SLC60A1: variants seen among roughly 807,000 people sequenced by gnomAD.
The protein encoded by SLC60A1 is major facilitator superfamily domain containing 4.
the SLC60A1 span, among the ~76,000 whole-genome samples, chr1:205,577,381 T>A: frequency 6.6e-6 from 1 of 152,188 alleles, no homozygotes; most frequent in African/African-American, 2.4e-5. The surrounding 1 kb of genome is among the most constrained non-coding windows in gnomAD (Gnocchi z 5.2). Flanking sequence ...GAACCTGGGT[T>A]GAGCGTCTCT....
At chr1:205,589,008 C>T in the SLC60A1 span, among the ~76,000 whole-genome samples, 9 of 152,196 alleles carry the variant, frequency 5.9e-5, no homozygotes, top group Non-Finnish European at 1.2e-4. Flanking sequence ...GCTGATAGTT[C>T]GTCCTGGTTA....
the SLC60A1 span, chr1:205,579,650 G>C: frequency 7.7e-7 from 1 of 1,306,846 alleles, no homozygotes; most frequent in South Asian, 1.2e-5. Context: ...CTACCAGAGG[G>C]GGAGAAATGT....
the SLC60A1 span, chr1:205,599,709 C>T: frequency 2.7e-4 from 42 of 158,178 alleles, no homozygotes; most frequent in Non-Finnish European, 4.7e-4. Flanking sequence ...GTCCTTCAGG[C>T]CAAGTAGCAA....
the SLC60A1 span, among the ~76,000 whole-genome samples, chr1:205,577,057 A>C: frequency 6.6e-6 from 1 of 152,062 alleles, no homozygotes; most frequent in African/African-American, 2.4e-5. This position sits in a 1 kb window ranked among gnomAD's most constrained non-coding sequence, Gnocchi z 5.2. Context: ...CCTTCTCAAG[A>C]ATGACAGGTG....
chr1:205,580,741 G>A, the SLC60A1 span: 1 of 1,613,110 alleles, frequency 6.2e-7, no homozygotes, highest in South Asian at 1.1e-5. This position sits in a 1 kb window ranked among gnomAD's most constrained non-coding sequence, Gnocchi z 5.0. Flanking sequence ...CCAACTGCTT[G>A]CCTGCCAATA....
At chr1:205,596,494 G>A in the SLC60A1 span, among the ~76,000 whole-genome samples, 3 of 126,616 alleles carry the variant, frequency 2.4e-5, no homozygotes, top group African/African-American at 9.0e-5. Flanking sequence ...AGCTTCTTGG[G>A]AGGCTGAGGC....
chr1:205,590,396 G>A, the SLC60A1 span, among the ~76,000 whole-genome samples: 1 of 152,246 alleles, frequency 6.6e-6, no homozygotes, highest in Non-Finnish European at 1.5e-5. Flanking sequence ...CTGCATGAAA[G>A]AAGTCTTTTG....
the SLC60A1 span, among the ~76,000 whole-genome samples, chr1:205,577,574 C>T: frequency 1.3e-5 from 2 of 152,192 alleles, no homozygotes; most frequent in Non-Finnish European, 2.9e-5. The surrounding 1 kb of genome is among the most constrained non-coding windows in gnomAD (Gnocchi z 5.2). Context: ...TGCTTCCTAG[C>T]CTTGCCATTC....
chr1:205,581,141 A>G, the SLC60A1 span, among the ~76,000 whole-genome samples: 1 of 152,252 alleles, frequency 6.6e-6, no homozygotes, highest in African/African-American at 2.4e-5. The surrounding 1 kb of genome is among the most constrained non-coding windows in gnomAD (Gnocchi z 4.2). Flanking sequence ...CAAGGAGGGT[A>G]AAACAGTGAG....
the SLC60A1 span, chr1:205,599,193 T>C: frequency 6.2e-7 from 1 of 1,614,204 alleles, no homozygotes; most frequent in South Asian, 1.1e-5. Context: ...GTTGTCTGGC[T>C]TTTACCTTCT....
the SLC60A1 span, chr1:205,597,989 CGTT>C: frequency 3.3e-5 from 28 of 836,652 alleles, no homozygotes; most frequent in Admixed American, 4.4e-5. Context: ...CCCCCTGTGC[CGTT>C]GTTACCTGTT....
At chr1:205,577,497 G>A in the SLC60A1 span, among the ~76,000 whole-genome samples, 1 of 152,222 alleles carries the variant, frequency 6.6e-6, no homozygotes, top group African/African-American at 2.4e-5. The surrounding 1 kb of genome is among the most constrained non-coding windows in gnomAD (Gnocchi z 5.2). Context: ...CGAGCATGTG[G>A]ATCTCTGCTA....
chr1:205,569,545 G>C, the SLC60A1 span, among the ~76,000 whole-genome samples: 1 of 145,826 alleles, frequency 6.9e-6, no homozygotes, highest in African/African-American at 2.6e-5. Context: ...GGTGACTTCT[G>C]GCTTATTTAT....
the SLC60A1 span, chr1:205,580,881 C>T: frequency 6.2e-7 from 1 of 1,613,904 alleles, no homozygotes; most frequent in Non-Finnish European, 8.5e-7. This position sits in a 1 kb window ranked among gnomAD's most constrained non-coding sequence, Gnocchi z 5.0. Context: ...GGGGCAGGGA[C>T]CCGAGTGTCC....
chr1:205,579,584 G>A, the SLC60A1 span: 1 of 736,306 alleles, frequency 1.4e-6, no homozygotes, highest in Non-Finnish European at 2.3e-6. Context: ...AGCAGACTTT[G>A]ACAACTTGCC....
At chr1:205,580,427 A>AGGCC in the SLC60A1 span, among the ~76,000 whole-genome samples, 1 of 152,132 alleles carries the variant, frequency 6.6e-6, no homozygotes, top group Admixed American at 6.5e-5. This position sits in a 1 kb window ranked among gnomAD's most constrained non-coding sequence, Gnocchi z 5.0. Flanking sequence ...GAGTCATCCC[A>AGGCC]GGCTGGCAGG....
At chr1:205,579,731 A>G in the SLC60A1 span, 8 of 1,613,180 alleles carry the variant, frequency 5.0e-6, no homozygotes, top group South Asian at 7.7e-5. Context: ...ATCCCCTGAC[A>G]TCACCCTTCC....
chr1:205,591,763 C>G, the SLC60A1 span, among the ~76,000 whole-genome samples: 1 of 152,180 alleles, frequency 6.6e-6, no homozygotes, highest in Admixed American at 6.5e-5. Context: ...TCTCCTACCC[C>G]CAGGGCTGGC....
chr1:205,576,646 C>T, the SLC60A1 span, among the ~76,000 whole-genome samples: 1 of 152,190 alleles, frequency 6.6e-6, no homozygotes, highest in Non-Finnish European at 1.5e-5. Flanking sequence ...ATTGACCAAG[C>T]CATTTAAAAC....
Sources: gnomAD v4.1 joint callset for allele counts (sites outside exome capture counted in the v4.1 genomes callset) on GRCh38, gnomAD v4.1.1 for gene constraint, Gnocchi (gnomAD v3.1) non-coding constraint, MANE v1.5 for transcripts, NCBI Gene and HGNC (gene_info 2026-07-23, HGNC 2026-07-21) for gene names.